KCNN2: variants seen among roughly 807,000 people sequenced by gnomAD.
The protein encoded by KCNN2 is potassium calcium-activated channel subfamily N member 2.
In KCNN2, 24 loss-of-function variants were observed where a neutral mutation model predicts 55.5. The observed-to-expected ratio is 0.43, with a 90% confidence interval of 0.31 to 0.61. The LOEUF (loss-of-function observed/expected upper bound fraction) is 0.61, where lower values mean the gene tolerates loss of function less well. Among genes scored for constraint, KCNN2 ranks in the 20% least tolerant of loss-of-function variants. KCNN2 has a pLI of 0.08. For synonymous variants in KCNN2, 431 were observed against 336.1 expected, an observed-to-expected ratio of 1.28 and a Z score of -3.09; for missense variants, 754 against 853.6, an observed-to-expected ratio of 0.88 and a Z score of 1.45.
At chr5:114,431,796 T>G (rs910761350) in intron 3 of KCNN2, among the ~76,000 whole-genome samples, 3 of 152,196 alleles carry the variant, frequency 2.0e-5, no homozygotes, top group Admixed American at 2.0e-4. Context: ...TCATTTACTT[T>G]AAAATATTTT....
chr5:114,448,091 G>A (rs2150100698), intron 3 of KCNN2, among the ~76,000 whole-genome samples: 1 of 152,190 alleles, frequency 6.6e-6, no homozygotes, highest in East Asian at 1.9e-4. Context: ...GATTTATGTA[G>A]TGATTTTTCT....
rs150754609 is a variant in KCNN2, at chr5:114,161,119, G to A, written c.-270-60361G>A. 2.3e-4 allele frequency among the ~76,000 whole-genome samples: 35 copies of A among 152,080 alleles called. 1 individual carries two copies. The stretch of plus-strand genomic sequence containing the variant: ...TAGCCTTGATGGTTTTCACAATTAG[G>A]CATGTTTTTGCAGTGGCTGGTACTG... On this transcript the variant is annotated intron_variant, in intron 1 of 10. Coordinates refer to the KCNN2 transcript ENST00000512097.
At chr5:114,261,437 A>G (rs554164230) in intron 2 of KCNN2, among the ~76,000 whole-genome samples, 3 of 152,278 alleles carry the variant, frequency 2.0e-5, no homozygotes, top group African/African-American at 7.2e-5. Context: ...TTCAGTGAGA[A>G]GGAAGGCTGA....
intron 5 of KCNN2, among the ~76,000 whole-genome samples, chr5:114,482,324 A>G (rs1762264465): frequency 6.6e-6 from 1 of 152,214 alleles, no homozygotes; most frequent in African/African-American, 2.4e-5. Flanking sequence ...AACCACAATG[A>G]GATACCATCT....
intron 1 of KCNN2, among the ~76,000 whole-genome samples, chr5:114,204,221 A>G (rs6862497): frequency 0.96 from 145,315 of 152,142 alleles, 69,766 homozygotes; most frequent in East Asian, 1. Context: ...TAAAATATGC[A>G]TGTCACCTTC....
intron 2 of KCNN2, among the ~76,000 whole-genome samples, chr5:114,287,266 T>C (rs1445950960): frequency 1.3e-5 from 2 of 152,170 alleles, no homozygotes; most frequent in Non-Finnish European, 2.9e-5. Context: ...ACCCAAAGGA[T>C]TGTAAATCAT....
At position 114,158,390 on chromosome 5, in the gene KCNN2, C is replaced by G. The variant is rs372591581; in HGVS notation, c.-270-63090C>G. ...TCTGTTTTGGTACCAGTACCATGCT[C>G]TTTTGGTTACTGTAGCCTTGTAGTA... On this transcript the variant is annotated intron_variant, in intron 1 of 10. Coordinates refer to the KCNN2 transcript ENST00000512097. Among the ~76,000 whole-genome samples the G allele has an allele frequency of 1.9e-3, 294 of 152,108 alleles. 5 individuals are homozygous for G. The South Asian group carries it at 0.032, about 17-fold the overall frequency.
intron 3 of KCNN2, among the ~76,000 whole-genome samples, chr5:114,462,052 C>T (rs1275274351): frequency 6.6e-6 from 1 of 152,162 alleles, no homozygotes; most frequent in Non-Finnish European, 1.5e-5. Flanking sequence ...AGTCTGGGGC[C>T]TGACTGTCAT....
chr5:114,389,149 G>A (rs893518384), intron 2 of KCNN2, among the ~76,000 whole-genome samples: 4 of 151,878 alleles, frequency 2.6e-5, no homozygotes, highest in Non-Finnish European at 4.4e-5. Flanking sequence ...AATACTTGCT[G>A]CTGTACCTGA....
exon 1 of KCNN2, chr5:114,056,381 G>C: frequency 2.5e-6 from 1 of 398,640 alleles, no homozygotes; most frequent in Non-Finnish European, 4.4e-6. Context: ...GAACCTGCCG[G>C]AATTCTCAGT....
At chr5:114,073,197 A>G (rs943812818) in intron 1 of KCNN2, among the ~76,000 whole-genome samples, 1 of 152,208 alleles carries the variant, frequency 6.6e-6, no homozygotes, top group Non-Finnish European at 1.5e-5. Context: ...GAATATTCCC[A>G]TCAGATGTGC....
chr5:114,061,262 G>C lies in KCNN2; in HGVS notation c.-271+4762G>C, dbSNP rs1034983567. Among the ~76,000 whole-genome samples the C allele has an allele frequency of 5.9e-5, 9 of 152,098 alleles. No individual in the cohort carries two copies. In the East Asian group the frequency reaches 1.3e-3, roughly 23 times the overall value. ...ATACACATTCATGGGATCACTCCTA[G>C]TACCCCAACTCCAAGACGCTACCTC... On this transcript the variant is annotated intron_variant, in intron 1 of 10. Coordinates refer to the KCNN2 transcript ENST00000512097.
At chr5:114,212,156 A>C (rs147200120) in intron 1 of KCNN2, among the ~76,000 whole-genome samples, 1 of 152,012 alleles carries the variant, frequency 6.6e-6, no homozygotes, top group African/African-American at 2.4e-5. Context: ...TTTTCATTCA[A>C]ATATTAATCT....
intron 1 of KCNN2, among the ~76,000 whole-genome samples, chr5:114,104,401 G>A (rs1751436741): frequency 1.3e-5 from 2 of 151,844 alleles, no homozygotes. Context: ...TTTTTGAAGG[G>A]TCTTTCATGT....
intron 1 of KCNN2, among the ~76,000 whole-genome samples, chr5:114,133,310 T>C (rs1461060628): frequency 1.3e-5 from 2 of 152,220 alleles, no homozygotes; most frequent in Non-Finnish European, 2.9e-5. Context: ...TTATGATTCT[T>C]TTCATACCAT....
intron 3 of KCNN2, among the ~76,000 whole-genome samples, chr5:114,457,231 C>G (rs1760965864): frequency 6.6e-6 from 1 of 152,148 alleles, no homozygotes; most frequent in African/African-American, 2.4e-5. Flanking sequence ...CAGCAGCCAT[C>G]AACACTGAGG....
At chr5:114,253,629 AG>A (rs1230993690) in intron 2 of KCNN2, 1 of 153,242 alleles carries the variant, frequency 6.5e-6, no homozygotes, top group Non-Finnish European at 1.5e-5. Flanking sequence ...TCTCTCCTGA[AG>A]CTGTGTGCTT....
At chr5:114,058,575 G>T (rs1580472442) in intron 1 of KCNN2, among the ~76,000 whole-genome samples, 1 of 152,206 alleles carries the variant, frequency 6.6e-6, no homozygotes, top group Admixed American at 6.5e-5. Flanking sequence ...GTGGTCCTAA[G>T]TGGAAACAGG....
intron 2 of KCNN2, among the ~76,000 whole-genome samples, chr5:114,305,947 AT>A (rs1756261156): frequency 6.6e-6 from 1 of 152,122 alleles, no homozygotes; most frequent in Admixed American, 6.6e-5. Context: ...TGGCATGCAT[AT>A]TTTTTATTAG....
Sources: allele counts gnomAD v4.1 joint callset (sites outside exome capture counted in the v4.1 genomes callset), GRCh38; gene constraint gnomAD v4.1.1; transcripts MANE v1.5; gene names NCBI Gene and HGNC (gene_info 2026-07-23, HGNC 2026-07-21).